The following SLC25A21 variants were observed in gnomAD, a reference collection of about 807,000 sequenced individuals.
SLC25A21 encodes solute carrier family 25 member 21.
In SLC25A21, 47 loss-of-function variants were observed where a neutral mutation model predicts 43.8. The observed-to-expected ratio is 1.07, with a 90% confidence interval of 0.85 to 1.37. The LOEUF is 1.37. Among genes scored for constraint, SLC25A21 ranks in the 40% most tolerant of loss-of-function variants. SLC25A21 has a pLI of 0.00. For synonymous variants in SLC25A21, 131 were observed against 121.3 expected (o/e 1.08, Z -0.52); for missense variants, 352 against 350.2 (o/e 1.00, Z -0.04).
intron 1 of SLC25A21, among the ~76,000 whole-genome samples, chr14:37,087,301 AACTTCATC>A (rs1424393772): frequency 1.3e-5 from 2 of 152,226 alleles, no homozygotes; most frequent in Non-Finnish European, 2.9e-5. Flanking sequence ...AGAATAAATC[AACTTCATC>A]ACTAAACTTA....
Position 36,907,487 on chromosome 14 carries a change from C to T in SLC25A21, c.71-32483G>A, listed in dbSNP as rs145022437. Among the ~76,000 whole-genome samples, 72 of 152,246 alleles carry T rather than the reference C, an allele frequency of 4.7e-4. No individual in the cohort carries two copies. The East Asian group carries it at 0.012, about 26-fold the overall frequency. On this transcript the variant is annotated intron_variant, in intron 1 of 9. Transcript: ENST00000331299. ...ACCTATCAGAACTAACCGACACAAA[C>T]GAGTGCTACCCTTTCAAAGTTTTCA... is the stretch of plus-strand genomic sequence containing the variant.
At chr14:36,967,862 G>A (rs1054383501) in intron 1 of SLC25A21, among the ~76,000 whole-genome samples, 1 of 152,148 alleles carries the variant, frequency 6.6e-6, no homozygotes, top group African/African-American at 2.4e-5. Context: ...GTGTGTGTGC[G>A]TGTGGGTGTA....
chr14:37,085,452 TAA>T (rs1198473446), intron 1 of SLC25A21, among the ~76,000 whole-genome samples: 1 of 152,200 alleles, frequency 6.6e-6, no homozygotes, highest in Non-Finnish European at 1.5e-5. Context: ...TTTATTCACA[TAA>T]AAGTTTATAT....
rs118085515 is a variant in SLC25A21, at chr14:37,084,955, A to G, written c.70+87326T>C. 2.0e-3 allele frequency among the ~76,000 whole-genome samples: 303 copies of G among 152,238 alleles called. 1 individual carries two copies. Among genetic ancestry groups the G allele is most frequent in the Non-Finnish European group, 3.7e-3 (253 of 68,012 alleles). On this transcript the variant is annotated intron_variant, in intron 1 of 9. Transcript: ENST00000331299. ...TGTTTATTTTATTTTTACCTTTTAC[A>G]TCAGTTTTGTAACTGGCATGATAAT...
chr14:37,053,675 G>A (rs1403420323), intron 1 of SLC25A21, among the ~76,000 whole-genome samples: 1 of 152,118 alleles, frequency 6.6e-6, no homozygotes, highest in African/African-American at 2.4e-5. Context: ...GGGAGGAAAT[G>A]TGCAAGATAA....
intron 1 of SLC25A21, among the ~76,000 whole-genome samples, chr14:37,108,250 G>A (rs956432015): frequency 6.6e-6 from 1 of 152,160 alleles, no homozygotes; most frequent in Non-Finnish European, 1.5e-5. Context: ...CATGTGCAGT[G>A]CACAAAGGTA....
rs371796595 is a variant in SLC25A21, at chr14:36,734,557, T to C, written c.220A>G (p.Lys74Glu). The C allele has an allele frequency of 2.4e-5, 39 of 1,606,236 alleles. No homozygotes were observed. Among genetic ancestry groups the C allele is most frequent in the Non-Finnish European group, 3.1e-5 (37 of 1,175,816 alleles). Reference sequence around the variant, plus strand: ...GCCAAGATAGGTGGCAGAATTCCCTTGTAAAAACCAAATAACCTGTTGGAG... The same window carrying C: ...GCCAAGATAGGTGGCAGAATTCCCTCGTAAAAACCAAATAACCTGTTGGAG... The part of the protein sequence containing the change: ...FQMEGLFGFY[K>E]GILPPILAET... The change falls in exon 4 of 10, where the codon AAG (lysine) becomes GAG (glutamate). Residue 74 changes from lysine (K) to glutamate (E), a missense_variant. Coordinates refer to ENST00000331299, the MANE Select transcript of SLC25A21 (RefSeq NM_030631.4).
intron 1 of SLC25A21, among the ~76,000 whole-genome samples, chr14:37,003,266 G>A (rs1239353616): frequency 6.6e-6 from 1 of 152,158 alleles, no homozygotes; most frequent in Non-Finnish European, 1.5e-5. Flanking sequence ...CTTTTGTACA[G>A]CACTAAGCTT....
intron 3 of SLC25A21, among the ~76,000 whole-genome samples, chr14:36,763,378 G>A (rs1043545570): frequency 2.6e-5 from 4 of 152,216 alleles, no homozygotes; most frequent in Non-Finnish European, 2.9e-5. Context: ...AGATATTAGG[G>A]TGAATCACAT....
At chr14:36,682,274 T>C (rs1159889205) in intron 9 of SLC25A21, among the ~76,000 whole-genome samples, 2 of 152,176 alleles carry the variant, frequency 1.3e-5, no homozygotes, top group Admixed American at 6.5e-5. Flanking sequence ...TAGGTTTCTT[T>C]GCTTTGAAGT....
intron 1 of SLC25A21, among the ~76,000 whole-genome samples, chr14:36,933,469 C>T (rs1892344407): frequency 6.6e-6 from 1 of 151,602 alleles, no homozygotes; most frequent in African/African-American, 2.4e-5. Context: ...CTTGAGAGGT[C>T]AACTGTGATG....
Position 37,007,341 on chromosome 14 carries a change from G to A in SLC25A21, c.71-132337C>T, listed in dbSNP as rs546666416. ...ACTTTGGCCAGGTGCGGTGGCTCAC[G>A]CCTGTAATCCCAGCACTTTGGGAGG... is the stretch of plus-strand genomic sequence containing the variant. On this transcript the variant is annotated intron_variant, in intron 1 of 9. Coordinates refer to ENST00000331299, the MANE Select transcript of SLC25A21 (RefSeq NM_030631.4). Among the ~76,000 whole-genome samples, 15 of 152,250 alleles carry A rather than the reference G, an allele frequency of 9.9e-5. No individual in the cohort carries two copies. In the South Asian group the frequency reaches 2.3e-3, roughly 23 times the overall value.
chr14:36,936,331 AG>A (rs765541620), intron 1 of SLC25A21, among the ~76,000 whole-genome samples: 25 of 152,178 alleles, frequency 1.6e-4, no homozygotes, highest in Non-Finnish European at 3.4e-4. Context: ...GCTTTCCACC[AG>A]CCCCCCTCCC....
chr14:36,820,595 T>C (rs1283865498), intron 2 of SLC25A21, among the ~76,000 whole-genome samples: 1 of 152,200 alleles, frequency 6.6e-6, no homozygotes, highest in African/African-American at 2.4e-5. Flanking sequence ...TGTAATTTAA[T>C]CCCTCTGCCT....
At chr14:37,145,476 C>CATAGAG (rs780734735) in intron 1 of SLC25A21, among the ~76,000 whole-genome samples, 1 of 143,566 alleles carries the variant, frequency 7.0e-6, no homozygotes, top group Non-Finnish European at 1.5e-5. Context: ...CACACACACA[C>CATAGAG]AGAGAGATGA....
intron 1 of SLC25A21, among the ~76,000 whole-genome samples, chr14:36,930,696 C>T (rs1456246466): frequency 3.9e-5 from 6 of 152,112 alleles, no homozygotes; most frequent in African/African-American, 1.4e-4. Context: ...CACCTTTCTA[C>T]ATAAAATCCT....
At chr14:36,916,262 G>A (rs1406609591) in intron 1 of SLC25A21, among the ~76,000 whole-genome samples, 1 of 152,124 alleles carries the variant, frequency 6.6e-6, no homozygotes, top group African/African-American at 2.4e-5. Context: ...ATAATAAAAT[G>A]ACATAGAAAG....
At chr14:36,838,255 G>T (rs1458282687) in intron 2 of SLC25A21, among the ~76,000 whole-genome samples, 1 of 152,130 alleles carries the variant, frequency 6.6e-6, no homozygotes, top group Middle Eastern at 3.2e-3. Context: ...AGAACAGAGG[G>T]GTCACATGTC....
At chr14:36,834,944 G>T (rs1041670659) in intron 2 of SLC25A21, among the ~76,000 whole-genome samples, 1 of 152,112 alleles carries the variant, frequency 6.6e-6, no homozygotes, top group East Asian at 1.9e-4. Context: ...CACCATGTTG[G>T]GTTTACAACT....
Sources: gnomAD v4.1 joint callset for allele counts (sites outside exome capture counted in the v4.1 genomes callset) on GRCh38, gnomAD v4.1.1 for gene constraint, MANE v1.5 for transcripts, NCBI Gene and HGNC (gene_info 2026-07-23, HGNC 2026-07-21) for gene names.